The following CYSLTR1 variants were observed in gnomAD, a reference collection of about 807,000 sequenced individuals.
CYSLTR1 encodes cysteinyl leukotriene receptor 1, also known as G-protein coupled receptor HG55.
A neutral mutation model predicts 2.1 loss-of-function variants in CYSLTR1; 1 was observed. The observed-to-expected ratio is 0.48, with a 90% CI of 0.17 to 2.28. The LOEUF (loss-of-function observed/expected upper bound fraction) is 2.28. CYSLTR1 is among the 30% of genes most tolerant of loss of function. The pLI is 0.26. For missense variants in CYSLTR1, 299 were observed against 250.1 expected (o/e 1.20, Z -1.32); for synonymous variants, 110 against 89.6 (o/e 1.23, Z -1.28).
chrX:78,308,335 T>C (rs980811381), intron 1 of CYSLTR1, among the ~76,000 whole-genome samples: 2 of 112,215 alleles, frequency 1.8e-5, no homozygotes, highest in African/African-American at 6.5e-5. Flanking sequence ...TGATTAATCA[T>C]TTATGGTTTT....
At chrX:78,325,450 T>G (rs1923832672) in intron 1 of CYSLTR1, among the ~76,000 whole-genome samples, 1 of 112,388 alleles carries the variant, frequency 8.9e-6, no homozygotes, top group African/African-American at 3.2e-5. Flanking sequence ...GATTTTATAT[T>G]TATCATTTTA....
At chrX:78,284,042 C>T (rs1452903306) in intron 1 of CYSLTR1, among the ~76,000 whole-genome samples, 3 of 112,101 alleles carry the variant, frequency 2.7e-5, no homozygotes, top group Non-Finnish European at 3.8e-5. Flanking sequence ...TTGCACTCTT[C>T]TCCTTATAAA....
chrX:78,304,270 C>G (rs1243129443), intron 1 of CYSLTR1, among the ~76,000 whole-genome samples: 1 of 112,026 alleles, frequency 8.9e-6, no homozygotes, highest in Non-Finnish European at 1.9e-5. Flanking sequence ...TATGCCATCT[C>G]TGGTTCTGAC....
chrX:78,275,508 A>C (rs1921544385), intron 2 of CYSLTR1, among the ~76,000 whole-genome samples: 1 of 105,669 alleles, frequency 9.5e-6, no homozygotes, highest in Non-Finnish European at 1.9e-5. Context: ...GCATGTTCTC[A>C]CTCATAGGTG....
chrX:78,285,286 T>G (rs1044789116), intron 1 of CYSLTR1, among the ~76,000 whole-genome samples: 7 of 110,075 alleles, frequency 6.4e-5, no homozygotes, highest in African/African-American at 2.0e-4. Context: ...CCGGGCATGG[T>G]GGCGGGCGCC....
chrX:78,302,298 C>T (rs768465261), intron 1 of CYSLTR1, among the ~76,000 whole-genome samples: 1 of 112,235 alleles, frequency 8.9e-6, no homozygotes, highest in Non-Finnish European at 1.9e-5. Context: ...TTGGACTCAC[C>T]CTGCATGGCA....
intron 1 of CYSLTR1, among the ~76,000 whole-genome samples, chrX:78,314,130 C>G (rs949896449): frequency 1.4e-4 from 15 of 111,027 alleles, no homozygotes; most frequent in African/African-American, 4.9e-4. Flanking sequence ...AGAATTTACT[C>G]ATAATGGAAA....
At position 78,310,994 on chromosome X, in the gene CYSLTR1, A is replaced by T. The variant is rs190862577; in HGVS notation, c.-115+16311T>A. Among the ~76,000 whole-genome samples, 157 of 110,612 alleles carry T rather than the reference A, an allele frequency of 1.4e-3. 1 individual carries two copies. In the East Asian group the frequency reaches 0.034, roughly 24 times the overall value. On this transcript the variant is annotated intron_variant, in intron 1 of 2. Transcript: ENST00000373304. ...TATATCCTAAAGGGTGTTATATACCATTCTAGATAATTTGAGTTTATCTTC... is the reference window on the plus strand; with the variant it reads ...TATATCCTAAAGGGTGTTATATACCTTTCTAGATAATTTGAGTTTATCTTC...
At chrX:78,281,528 C>T (rs1370250820) in intron 2 of CYSLTR1, among the ~76,000 whole-genome samples, 1 of 111,208 alleles carries the variant, frequency 9.0e-6, no homozygotes, top group African/African-American at 3.3e-5. Context: ...CTGCCTTGGC[C>T]TCCCAAAGTG....
chrX:78,305,330 T>C (rs1922989452), intron 1 of CYSLTR1, among the ~76,000 whole-genome samples: 1 of 111,496 alleles, frequency 9.0e-6, no homozygotes, highest in Non-Finnish European at 1.9e-5. Context: ...TTTCTCACAG[T>C]CTTCTGGGAA....
rs903054793 is a variant in CYSLTR1, at chrX:78,302,335, G to T, written c.-114-18795C>A. ...TGGGCTCCCCTCTGGCCCAGGGAAG[G>T]TCCAGAAATGCTATCCAAGAGCCAA... On this transcript the variant is annotated intron_variant, in intron 1 of 2. Transcript: ENST00000373304. Among the ~76,000 whole-genome samples, 10 of 111,448 alleles carry T rather than the reference G, an allele frequency of 9.0e-5. No individual in the cohort carries two copies. The Admixed American group carries it at 9.5e-4, about 11-fold the overall frequency.
chrX:78,294,241 G>T (rs774185736), intron 1 of CYSLTR1, among the ~76,000 whole-genome samples: 18 of 112,723 alleles, frequency 1.6e-4, no homozygotes, highest in African/African-American at 5.1e-4. Flanking sequence ...GCTGGAGTTT[G>T]CTGGAGTTCC....
At chrX:78,284,196 A>C (rs1412750648) in intron 1 of CYSLTR1, among the ~76,000 whole-genome samples, 1 of 111,417 alleles carries the variant, frequency 9.0e-6, no homozygotes, top group Non-Finnish European at 1.9e-5. Flanking sequence ...AAGTATAATA[A>C]ATCTCCAAGA....
chrX:78,273,857 T>C, intron 2 of CYSLTR1, 84 bp from the exon 3 acceptor site: 1 of 850,952 alleles, frequency 1.2e-6, no homozygotes, highest in Non-Finnish European at 1.6e-6. Flanking sequence ...AGTGTCACTA[T>C]GTATACTTTT....
rs1043117630 is a variant in CYSLTR1 at position 78,286,593 on chromosome X, C to G, written c.-114-3053G>C. 8.2e-5 allele frequency among the ~76,000 whole-genome samples: 9 copies of G among 109,390 alleles called. No individual in the cohort carries two copies. The East Asian group carries it at 1.4e-3, about 18-fold the overall frequency. 95.0% of individuals were successfully genotyped at this position (109,390 alleles called of 115,157 possible). ...ACATGTGCTATGCTGGTGTGCTGCA[C>G]CCGTTAACTCGTCATTTAGCATTAG... is the stretch of plus-strand genomic sequence containing the variant. On this transcript the variant is annotated intron_variant, in intron 1 of 2. Coordinates refer to ENST00000373304, the MANE Select transcript of CYSLTR1 (RefSeq NM_006639.4).
At chrX:78,280,576 T>G (rs966131379) in intron 2 of CYSLTR1, among the ~76,000 whole-genome samples, 3 of 110,295 alleles carry the variant, frequency 2.7e-5, no homozygotes, top group Non-Finnish European at 3.8e-5. Flanking sequence ...TTCACTTCTA[T>G]TTTAGGTTCA....
At chrX:78,283,813 A>C (rs778618132) in intron 1 of CYSLTR1, among the ~76,000 whole-genome samples, 10 of 112,102 alleles carry the variant, frequency 8.9e-5, no homozygotes, top group Non-Finnish European at 1.3e-4. Flanking sequence ...AAATGAACAC[A>C]CTATTATAAA....
At chrX:78,305,136 A>G (rs1482484635) in intron 1 of CYSLTR1, among the ~76,000 whole-genome samples, 1 of 111,825 alleles carries the variant, frequency 8.9e-6, no homozygotes, top group African/African-American at 3.2e-5. Context: ...TTTGATTCCC[A>G]GGAAAGTATA....
At chrX:78,285,290 G>A (rs1569552238) in intron 1 of CYSLTR1, among the ~76,000 whole-genome samples, 1 of 109,817 alleles carries the variant, frequency 9.1e-6, no homozygotes, top group Non-Finnish European at 1.9e-5. Flanking sequence ...GCATGGTGGC[G>A]GGCGCCTTTA....
Sources: allele counts gnomAD v4.1 joint callset (sites outside exome capture counted in the v4.1 genomes callset), GRCh38; gene constraint gnomAD v4.1.1; transcripts MANE v1.5; gene names NCBI Gene and HGNC (gene_info 2026-07-23, HGNC 2026-07-21).